GALNT10: variants seen among roughly 807,000 people sequenced by gnomAD.
GALNT10 encodes the protein GalNAc transferase 10.
GALNT10 carries 41 observed loss-of-function variants against 75.0 expected under a neutral mutation model. The ratio of observed to expected loss-of-function variants is 0.55; its 90% confidence interval spans 0.43 to 0.71. GALNT10 has a LOEUF of 0.71. Among genes scored for constraint, GALNT10 ranks in the 30% least tolerant of loss-of-function variants. The pLI is 0.00. For synonymous variants in GALNT10, 302 were observed against 313.0 expected (o/e 0.96, Z 0.37); for missense variants, 727 against 818.5 (o/e 0.89, Z 1.36).
At chr5:154,293,100 A>G (rs1274763143) in intron 1 of GALNT10, among the ~76,000 whole-genome samples, 1 of 152,200 alleles carries the variant, frequency 6.6e-6, no homozygotes, top group African/African-American at 2.4e-5. Context: ...GAGCTGTTAT[A>G]AAGATGTTGA....
rs1211844256 is a variant in GALNT10 at position 154,419,386 on chromosome 5, G to C, written c.*2414G>C. On this transcript the variant is annotated 3_prime_UTR_variant, in exon 12 of 12. Coordinates refer to ENST00000297107, the MANE Select transcript of GALNT10 (RefSeq NM_198321.4). Reference sequence around the variant, plus strand: ...CACCCTCTGAACCCCCAGCATGTTTGTCCTGTTTCTCACCATTGGGTTAAG... The same window carrying C: ...CACCCTCTGAACCCCCAGCATGTTTCTCCTGTTTCTCACCATTGGGTTAAG... 2 of 152,230 alleles carry C rather than the reference G, an allele frequency of 1.3e-5. No homozygotes were observed. Among genetic ancestry groups the C allele is most frequent in the African/African-American group, 4.8e-5 (2 of 41,420 alleles). The allele number at this position is 152,230 out of a possible 1,614,324, so 9.4% of individuals were successfully genotyped here. A position where few individuals can be genotyped will look rare whatever the true frequency, so the allele number is the denominator to read the frequency against.
intron 1 of GALNT10, among the ~76,000 whole-genome samples, chr5:154,238,852 A>T: frequency 6.6e-6 from 1 of 152,304 alleles, no homozygotes; most frequent in East Asian, 1.9e-4. Context: ...TCATAATATG[A>T]CTACCATTTA....
At chr5:154,220,091 T>A (rs1752956685) in intron 1 of GALNT10, 1 of 152,226 alleles carries the variant, frequency 6.6e-6, no homozygotes, top group Non-Finnish European at 1.5e-5. Context: ...GGCTACTTAT[T>A]TTTTAACAAT....
At chr5:154,231,541 T>G (rs564689597) in intron 1 of GALNT10, among the ~76,000 whole-genome samples, 1 of 152,308 alleles carries the variant, frequency 6.6e-6, no homozygotes, top group Non-Finnish European at 1.5e-5. Context: ...TATTTTTGAT[T>G]TTATTTTTTA....
At chr5:154,293,613 A>ATTTTTTTTTTTTTTTTTTTTTTT (rs1201863629) in intron 1 of GALNT10, among the ~76,000 whole-genome samples, 6 of 109,348 alleles carry the variant, frequency 5.5e-5, no homozygotes, top group Non-Finnish European at 9.5e-5. Context: ...ATATATATAT[A>ATTTTTTTTTTTTTTTTTTTTTTT]TTTTTTTTTT....
In GALNT10 at chr5:154,280,110, A is replaced by G. The variant is rs372736939; in HGVS notation, c.160-14706A>G. Among the ~76,000 whole-genome samples the G allele has an allele frequency of 5.1e-4, 77 of 152,372 alleles. 1 individual carries two copies. The South Asian group carries it at 7.2e-3, about 14-fold the overall frequency. On this transcript the variant is annotated intron_variant, in intron 1 of 11. Transcript: ENST00000297107. ...GAATGAAATTATGTTATTTGCAGCA[A>G]CATGGATGAAACTGGAGGTAGTTAT...
At chr5:154,369,256 T>G (rs1644063777) in intron 4 of GALNT10, among the ~76,000 whole-genome samples, 1 of 152,078 alleles carries the variant, frequency 6.6e-6, no homozygotes, top group Admixed American at 6.6e-5. Context: ...GGCATGGTGA[T>G]GCAGGTCTGT....
At chr5:154,392,986 C>T (rs977215640) in intron 7 of GALNT10, 9 of 140,886 alleles carry the variant, frequency 6.4e-5, no homozygotes, top group Non-Finnish European at 1.1e-4. Context: ...AAATGCACGT[C>T]CTTTGGGGAT....
intron 1 of GALNT10, among the ~76,000 whole-genome samples, chr5:154,195,768 T>A (rs943503768): frequency 6.6e-6 from 1 of 152,236 alleles, no homozygotes; most frequent in Non-Finnish European, 1.5e-5. Flanking sequence ...TTGATCCTTC[T>A]CTACCATTAT....
intron 1 of GALNT10, among the ~76,000 whole-genome samples, chr5:154,213,291 A>G (rs1019837694): frequency 6.6e-6 from 1 of 152,190 alleles, no homozygotes; most frequent in African/African-American, 2.4e-5. Flanking sequence ...GTAGGGATTA[A>G]GAATTTGAAA....
intron 4 of GALNT10, among the ~76,000 whole-genome samples, chr5:154,346,501 C>T (rs979474652): frequency 7.9e-5 from 12 of 152,222 alleles, no homozygotes; most frequent in Non-Finnish European, 1.5e-4. Context: ...TAACACAGCA[C>T]ATGCAGTACA....
rs141207208 is a variant in GALNT10 at position 154,207,198 on chromosome 5, C to A, written c.159+16173C>A. On this transcript the variant is annotated intron_variant, in intron 1 of 11. Coordinates refer to ENST00000297107, the MANE Select transcript of GALNT10 (RefSeq NM_198321.4). ...ACCAGCCTGGGACATGCGCAATATGCGTTCAAAAACTGCTGGATAAATGAC... is the reference window on the plus strand; with the variant it reads ...ACCAGCCTGGGACATGCGCAATATGAGTTCAAAAACTGCTGGATAAATGAC... Among the ~76,000 whole-genome samples the A allele has an allele frequency of 3.1e-3, 466 of 152,320 alleles. 3 individuals carry two copies. Among genetic ancestry groups the A allele is most frequent in the African/African-American group, 0.01 (436 of 41,578 alleles).
chr5:154,391,595 C>T (rs1338643775), intron 7 of GALNT10, among the ~76,000 whole-genome samples: 1 of 152,258 alleles, frequency 6.6e-6, no homozygotes, highest in African/African-American at 2.4e-5. Context: ...CTACTGCTCT[C>T]TCCTTTCCCC....
At chr5:154,192,697 C>A (rs1426829020) in intron 1 of GALNT10, among the ~76,000 whole-genome samples, 5 of 152,198 alleles carry the variant, frequency 3.3e-5, no homozygotes, top group African/African-American at 1.2e-4. Flanking sequence ...TTCCTTGTAG[C>A]ATCCCTAGCT....
At chr5:154,330,911 G>GTGTGTGTA (rs1038821743) in intron 4 of GALNT10, among the ~76,000 whole-genome samples, 20 of 77,348 alleles carry the variant, frequency 2.6e-4, no homozygotes, top group African/African-American at 7.3e-4. Context: ...CAGAGAGGGT[G>GTGTGTGTA]TGTGTGTGTG....
At chr5:154,229,732 CA>C (rs879674193) in intron 1 of GALNT10, among the ~76,000 whole-genome samples, 140 of 139,032 alleles carry the variant, frequency 1.0e-3, no homozygotes, top group Middle Eastern at 7.4e-3. Flanking sequence ...GACTCCATCT[CA>C]AAAAAAAAAA....
intron 4 of GALNT10, among the ~76,000 whole-genome samples, chr5:154,372,020 T>C (rs1158596158): frequency 1.3e-5 from 2 of 152,076 alleles, no homozygotes; most frequent in African/African-American, 2.4e-5. Flanking sequence ...AAAGGATGGG[T>C]CTATGGAAGG....
chr5:154,379,204 C>T (rs1561676672), intron 5 of GALNT10, among the ~76,000 whole-genome samples: 1 of 152,228 alleles, frequency 6.6e-6, no homozygotes, highest in Non-Finnish European at 1.5e-5. Context: ...CAGATGAACA[C>T]ACTCATGCAG....
At chr5:154,395,657 C>T (rs1425540687) in intron 7 of GALNT10, among the ~76,000 whole-genome samples, 2 of 152,190 alleles carry the variant, frequency 1.3e-5, no homozygotes, top group Non-Finnish European at 2.9e-5. Context: ...AGATCTTGGA[C>T]TCATCTGCCC....
Sources: allele counts gnomAD v4.1 joint callset (sites outside exome capture counted in the v4.1 genomes callset), GRCh38; gene constraint gnomAD v4.1.1; transcripts MANE v1.5; gene names NCBI Gene and HGNC (gene_info 2026-07-23, HGNC 2026-07-21).